The following TMEM231 variants were observed in gnomAD, a reference collection of about 807,000 sequenced individuals.
TMEM231 encodes the protein transmembrane protein 231.
In TMEM231, 40 loss-of-function variants were observed where a neutral mutation model predicts 38.5. The observed-to-expected ratio is 1.04, with a 90% CI of 0.81 to 1.35. The LOEUF is 1.35. TMEM231 is among the 40% of genes most tolerant of loss of function. The pLI is 0.00. For synonymous variants in TMEM231, 199 were observed against 181.7 expected, an observed-to-expected ratio of 1.10 and a Z score of -0.77; for missense variants, 420 against 416.9, an observed-to-expected ratio of 1.01 and a Z score of -0.07.
chr16:75,551,524 C>T (rs1005900900), intron 2 of TMEM231, among the ~76,000 whole-genome samples: 1 of 152,184 alleles, frequency 6.6e-6, no homozygotes, highest in Non-Finnish European at 1.5e-5. Flanking sequence ...TAAAATGAAC[C>T]ATTATTTTAT....
chr16:75,553,680 T>C (rs1050448651), intron 2 of TMEM231, among the ~76,000 whole-genome samples: 2 of 151,386 alleles, frequency 1.3e-5, no homozygotes, highest in Admixed American at 6.6e-5. Context: ...CACTTCTCTA[T>C]TTCTTTTTAA....
At chr16:75,547,725 G>C (rs1196215317) in intron 2 of TMEM231, among the ~76,000 whole-genome samples, 2 of 152,114 alleles carry the variant, frequency 1.3e-5, no homozygotes, top group East Asian at 1.9e-4. Context: ...GTTGCAGTGA[G>C]CCAAGATCTT....
chr16:75,547,722 T>G (rs2080710362), intron 2 of TMEM231, among the ~76,000 whole-genome samples: 1 of 152,118 alleles, frequency 6.6e-6, no homozygotes, highest in Admixed American at 6.5e-5. Flanking sequence ...GAGGTTGCAG[T>G]GAGCCAAGAT....
chr16:75,549,761 T>G (rs992198467), intron 2 of TMEM231, among the ~76,000 whole-genome samples: 1 of 151,966 alleles, frequency 6.6e-6, no homozygotes, highest in Non-Finnish European at 1.5e-5. Flanking sequence ...CAGGCTGGAG[T>G]GCAGTGGCAC....
intron 2 of TMEM231, chr16:75,555,090 C>A (rs1438115342): frequency 6.6e-6 from 1 of 152,140 alleles, no homozygotes; most frequent in Non-Finnish European, 1.5e-5. Context: ...AAAACGTTTT[C>A]AGAAAATGAG....
At position 75,556,243 on chromosome 16, in the gene TMEM231, G is replaced by T; in HGVS notation, c.-34C>A. 5.0e-6 allele frequency: 7 copies of T among 1,392,606 alleles called. No homozygotes were observed. Among genetic ancestry groups the T allele is most frequent in the African/African-American group, 1.5e-5 (1 of 66,416 alleles). 86.3% of individuals were successfully genotyped at this position (1,392,606 alleles called of 1,614,324 possible). A position where few individuals can be genotyped will look rare whatever the true frequency, so the allele number is the denominator to read the frequency against. ...CTCGCAGGCACTCCGCGAGCCGGGG[G>T]ACCAAGTTTGGCTTCTCCTGGTTGC... is the stretch of plus-strand genomic sequence containing the variant. On this transcript the variant is annotated 5_prime_UTR_variant, in exon 1 of 7. Transcript: ENST00000258173.
intron 2 of TMEM231, among the ~76,000 whole-genome samples, chr16:75,548,567 G>C (rs1597044530): frequency 6.6e-6 from 1 of 152,192 alleles, no homozygotes; most frequent in East Asian, 1.9e-4. Flanking sequence ...GAATAATGAA[G>C]GTAAAATTTA....
At position 75,556,181 on chromosome 16, in the gene TMEM231, G is replaced by A; in HGVS notation, c.29C>T (p.Pro10Leu). ...CCCCGCGCGGTAACTGCGCTCGACC[G>A]GGTGAGAGAAGAGCTCATAGAGCGC... MALYELFSHPVERSYRAGLC... is the reference protein window; with the variant it reads MALYELFSHLVERSYRAGLC... Residue 10 changes from proline (P) to leucine (L), a missense_variant, in exon 1 of 7, where the codon CCG (proline) becomes CTG (leucine). Pro to Leu is a moderately conservative substitution (Grantham distance 98). Coordinates refer to ENST00000258173, the MANE Select transcript of TMEM231 (RefSeq NM_001077418.3). The A allele has an allele frequency of 5.9e-6, 9 of 1,522,216 alleles. No individual in the cohort carries two copies. The highest frequency in any genetic ancestry group is 7.9e-6 in the Non-Finnish European group (9 of 1,139,158). The allele number at this position is 1,522,216 out of a possible 1,614,324, so 94.3% of individuals were successfully genotyped here.
chr16:75,554,777 G>T (rs1234204261), intron 2 of TMEM231: 2 of 152,154 alleles, frequency 1.3e-5, no homozygotes, highest in Non-Finnish European at 2.9e-5. Context: ...CATTTATAAA[G>T]TAATAGGAGA....
At position 75,555,937 on chromosome 16, in the gene TMEM231, GGCTGCTCCTCGTA is replaced by G; in HGVS notation, c.163_175del (p.Tyr55ArgfsTer81). On this transcript the variant is annotated frameshift_variant, in exon 2 of 7. Transcript: ENST00000258173. LOFTEE classifies it high-confidence loss of function. Reference sequence around the variant, plus strand: ...CACCTGGTGTTGGAAGCGCACGGTCGGCTGCTCCTCGTAGCTGCTCCGCTTCAGCCAAAACCCT... The same window carrying G: ...CACCTGGTGTTGGAAGCGCACGGTCGGCTGCTCCGCTTCAGCCAAAACCCT... 1.2e-6 allele frequency: 2 copies of G among 1,604,572 alleles called. No homozygotes were observed. The highest frequency in any genetic ancestry group is 1.7e-6 in the Non-Finnish European group (2 of 1,176,106).
chr16:75,547,575 T>C (rs2080708327), intron 2 of TMEM231, among the ~76,000 whole-genome samples: 1 of 151,902 alleles, frequency 6.6e-6, no homozygotes, highest in Admixed American at 6.6e-5. Context: ...GGTCAGAAGA[T>C]CGAGACCATC....
At position 75,556,084 on chromosome 16, in the gene TMEM231, G is replaced by A. The variant is rs1257675951; in HGVS notation, c.126C>T (p.Ala42=). ...GGGCAGGCTCACCGTGGCTCCGGAA[G>A]GCCACCAGCAGCGGCGGGATGTACG... is the stretch of plus-strand genomic sequence containing the variant. The part of the protein sequence containing the change: ...ALTYIPPLLV[A]FRSHGFWLKR... Residue 42 remains alanine, a synonymous_variant, in exon 1 of 7, where the codon GCC becomes GCT. Transcript: ENST00000258173. The A allele has an allele frequency of 3.2e-6, 5 of 1,568,858 alleles. No individual in the cohort carries two copies. The highest frequency in any genetic ancestry group is 1.4e-5 in the African/African-American group (1 of 73,838).
intron 3 of TMEM231, 67 bp downstream of exon 3, chr16:75,545,759 A>C: frequency 2.8e-6 from 2 of 715,454 alleles, no homozygotes; most frequent in Non-Finnish European, 4.2e-6. Flanking sequence ...TCTAGAAATC[A>C]GAAGAAGGAC....
chr16:75,548,607 G>A (rs1039401757), intron 2 of TMEM231, among the ~76,000 whole-genome samples: 1 of 152,196 alleles, frequency 6.6e-6, no homozygotes, highest in African/African-American at 2.4e-5. Context: ...GGTGGCTTAT[G>A]CCTATAATCC....
At chr16:75,552,624 T>G (rs2080775968) in intron 2 of TMEM231, among the ~76,000 whole-genome samples, 1 of 152,228 alleles carries the variant, frequency 6.6e-6, no homozygotes, top group Non-Finnish European at 1.5e-5. Context: ...GTTCTACTAC[T>G]GTCTCTGGGG....
Position 75,544,949 on chromosome 16 carries a change from C to CTTCTTTTTTTTT in TMEM231, c.582+402_582+403insAAAAAAAAAGAA, listed in dbSNP as rs2080666559. Among the ~76,000 whole-genome samples, 8 of 89,598 alleles carry CTTCTTTTTTTTT rather than the reference C, an allele frequency of 8.9e-5. 1 individual carries two copies. The highest frequency in any genetic ancestry group is 1.2e-4 in the Non-Finnish European group (5 of 41,542). 58.8% of individuals were successfully genotyped at this position (89,598 alleles called of 152,430 possible). On this transcript the variant is annotated intron_variant, in intron 4 of 6. Coordinates refer to ENST00000258173, the MANE Select transcript of TMEM231 (RefSeq NM_001077418.3). The stretch of plus-strand genomic sequence containing the variant: ...ATATTTCTACTTTTCTTTTCTTTTT[C>CTTCTTTTTTTTT]TTTTTTTTTTTTTTTTTTTTTTTTG...
upstream of TMEM231, chr16:75,556,265 T>A: frequency 7.2e-7 from 1 of 1,391,744 alleles, no homozygotes; most frequent in Non-Finnish European, 9.3e-7. Context: ...CTTCTCCTGG[T>A]TGCCATCGCC....
chr16:75,548,969 G>A (rs2080724725), intron 2 of TMEM231, among the ~76,000 whole-genome samples: 3 of 152,216 alleles, frequency 2.0e-5, no homozygotes, highest in Admixed American at 2.0e-4. Flanking sequence ...GTGATGGGGT[G>A]CAGGAACATC....
intron 2 of TMEM231, among the ~76,000 whole-genome samples, chr16:75,547,100 G>C (rs2080701840): frequency 6.6e-6 from 1 of 152,184 alleles, no homozygotes; most frequent in South Asian, 2.1e-4. Flanking sequence ...TTACTGAAAA[G>C]TGATCACTGC....
Sources: gnomAD v4.1 joint callset for allele counts (sites outside exome capture counted in the v4.1 genomes callset) on GRCh38, gnomAD v4.1.1 for gene constraint, MANE v1.5 for transcripts, NCBI Gene and HGNC (gene_info 2026-07-23, HGNC 2026-07-21) for gene names.